FHAD1: variants seen among roughly 807,000 people sequenced by gnomAD.
The protein encoded by FHAD1 is forkhead associated phosphopeptide binding domain 1, also known as forkhead-associated domain-containing protein 1.
A neutral mutation model predicts 191.3 loss-of-function variants in FHAD1; 146 were observed. The observed-to-expected ratio is 0.76, with a 90% CI of 0.67 to 0.88. The LOEUF is 0.88. Among genes scored for constraint, FHAD1 ranks in the 40% least tolerant of loss-of-function variants. The probability of loss-of-function intolerance (pLI) is 0.00; values close to 1 mark genes in which losing one functional copy is unlikely to be tolerated. For missense variants in FHAD1, 1,635 were observed against 1,785.8 expected (o/e 0.92, Z 1.52); for synonymous variants, 616 against 672.3 (o/e 0.92, Z 1.29).
Position 15,346,895 on chromosome 1 carries a change from G to A in FHAD1, c.2346+1372G>A, listed in dbSNP as rs189559046. ...GTGTATAATGGAGGGCCTGGCCTGC[G>A]GAATGATTGCCGAGTAAACGGCAGC... On this transcript the variant is annotated intron_variant, in intron 18 of 33. Coordinates refer to ENST00000688493, the MANE Select transcript of FHAD1 (RefSeq NM_001391957.1). 4.1e-4 allele frequency among the ~76,000 whole-genome samples: 63 copies of A among 152,312 alleles called. No homozygotes were observed. The East Asian group carries it at 8.5e-3, about 21-fold the overall frequency.
intron 5 of FHAD1, among the ~76,000 whole-genome samples, chr1:15,300,537 G>A (rs949927559): frequency 1.1e-4 from 16 of 152,182 alleles, no homozygotes; most frequent in South Asian, 6.2e-4. Context: ...CCTTTCCTTC[G>A]TCCCCAGATG....
intron 31 of FHAD1, among the ~76,000 whole-genome samples, chr1:15,386,172 C>G: frequency 6.6e-6 from 1 of 152,208 alleles, no homozygotes; most frequent in Non-Finnish European, 1.5e-5. Context: ...GGACCTGCTT[C>G]GTGGGGTGGT....
chr1:15,308,141 AAGG>A (rs1671104168), intron 6 of FHAD1, among the ~76,000 whole-genome samples: 1 of 152,190 alleles, frequency 6.6e-6, no homozygotes, highest in African/African-American at 2.4e-5. Context: ...GGCTCTGTTG[AAGG>A]AGTAGTGTCT....
At chr1:15,245,414 G>T (rs565464119), upstream of FHAD1, among the ~76,000 whole-genome samples, 470 of 152,060 alleles carry the variant, frequency 3.1e-3, 1 homozygote, top group African/African-American at 0.011. Context: ...AGATTTCATG[G>T]TGGTTGTTTC....
chr1:15,260,889 T>C (rs1019851920), intron 2 of FHAD1, among the ~76,000 whole-genome samples: 3 of 152,220 alleles, frequency 2.0e-5, no homozygotes, highest in East Asian at 1.9e-4. Context: ...CCCTTTGCCA[T>C]GTAAGGCAGC....
At chr1:15,348,997 C>A in intron 18 of FHAD1, 45 bp from the exon 19 acceptor site, 1 of 1,179,118 alleles carries the variant, frequency 8.5e-7, no homozygotes, top group Non-Finnish European at 1.2e-6. Context: ...GCAATTTCCC[C>A]CCTAAATGTG....
At chr1:15,308,010 G>A (rs776638791) in intron 6 of FHAD1, among the ~76,000 whole-genome samples, 10 of 152,178 alleles carry the variant, frequency 6.6e-5, no homozygotes, top group African/African-American at 1.4e-4. Context: ...GATTACAGGC[G>A]TGAGCCACTG....
At chr1:15,320,498 T>C (rs1208972930) in intron 10 of FHAD1, among the ~76,000 whole-genome samples, 1 of 152,232 alleles carries the variant, frequency 6.6e-6, no homozygotes, top group Non-Finnish European at 1.5e-5. Flanking sequence ...TTTTTTAATA[T>C]TGTCAATCTT....
Position 15,312,452 on chromosome 1 carries a change from G to A in FHAD1, c.1040-605G>A, listed in dbSNP as rs1159582938. Among the ~76,000 whole-genome samples, 1 of 152,108 alleles carries A rather than the reference G, an allele frequency of 6.6e-6. No homozygotes were observed. The highest frequency in any genetic ancestry group is 2.4e-5 in the African/African-American group (1 of 41,404). ...GAGGCTGGTGGATTGCTTCAGCCTG[G>A]GAGTTTGAGACCCGCCTGGGCAACA... is the stretch of plus-strand genomic sequence containing the variant. On this transcript the variant is annotated intron_variant, in intron 7 of 33. Coordinates refer to ENST00000688493, the MANE Select transcript of FHAD1 (RefSeq NM_001391957.1). This position sits in a 1 kb window ranked among gnomAD's most constrained non-coding sequence, Gnocchi z 4.7.
chr1:15,268,490 T>C (rs2101127844), intron 2 of FHAD1, among the ~76,000 whole-genome samples: 1 of 124,092 alleles, frequency 8.1e-6, no homozygotes, highest in Non-Finnish European at 1.8e-5. Flanking sequence ...GCGCGATTTA[T>C]AGTCCTTTGG....
At position 15,331,431 on chromosome 1, in the gene FHAD1, G is replaced by T. The variant is rs970273502; in HGVS notation, c.1906+1890G>T. Among the ~76,000 whole-genome samples the T allele has an allele frequency of 2.1e-4, 32 of 149,226 alleles. 1 individual carries two copies. The highest frequency in any genetic ancestry group is 5.9e-5 in the Non-Finnish European group (4 of 67,270). Reference sequence around the variant, plus strand: ...TGGTGGGTGGGTGGATGGATGGATGGACGGACGGGTGGAAGAAAGAATGGA... The same window carrying T: ...TGGTGGGTGGGTGGATGGATGGATGTACGGACGGGTGGAAGAAAGAATGGA... On this transcript the variant is annotated intron_variant, in intron 14 of 33. Coordinates refer to ENST00000688493, the MANE Select transcript of FHAD1 (RefSeq NM_001391957.1).
chr1:15,361,020 T>C (rs1048526444), intron 22 of FHAD1, among the ~76,000 whole-genome samples: 2 of 152,102 alleles, frequency 1.3e-5, no homozygotes, highest in African/African-American at 4.8e-5. Context: ...CATGAAAACA[T>C]CTCATGCAGG....
rs116434285 is a variant in FHAD1 at position 15,324,286 on chromosome 1, C to A, written c.1366-166C>A. Among the ~76,000 whole-genome samples the A allele has an allele frequency of 9.0e-3, 1,364 of 152,136 alleles. 22 individuals are homozygous for A. The highest frequency in any genetic ancestry group is 0.03 in the African/African-American group (1,265 of 41,500). On this transcript the variant is annotated intron_variant, in intron 10 of 33. Transcript: ENST00000688493. ...CCTTTCCCCCAACGGACAGTGCCCC[C>A]CTAGCCTGGCTCCACCCCGCGCACG...
At chr1:15,374,408 G>A in intron 26 of FHAD1, 94 bp from the exon 27 acceptor site, 2 of 1,455,414 alleles carry the variant, frequency 1.4e-6, no homozygotes, top group African/African-American at 2.8e-5. Context: ...TAAGTGACTG[G>A]GTTCCTCTAT....
chr1:15,357,435 C>T (rs1693188916), intron 20 of FHAD1, among the ~76,000 whole-genome samples: 1 of 151,916 alleles, frequency 6.6e-6, no homozygotes, highest in Admixed American at 6.6e-5. Context: ...CCAGCCTGGC[C>T]AACATGGTGA....
chr1:15,337,349 C>T (rs1017258043), intron 14 of FHAD1, among the ~76,000 whole-genome samples: 3 of 152,224 alleles, frequency 2.0e-5, no homozygotes, highest in South Asian at 2.1e-4. Context: ...CGTCTGATGA[C>T]GAGGCCACCA....
chr1:15,393,915 G>A (rs939517268), intron 33 of FHAD1, among the ~76,000 whole-genome samples: 1 of 152,076 alleles, frequency 6.6e-6, no homozygotes, highest in African/African-American at 2.4e-5. Context: ...AGGCCTTCCT[G>A]AGGACCGTAT....
intron 9 of FHAD1, 50 bp from the exon 10 acceptor site, chr1:15,317,774 G>A: frequency 7.5e-7 from 1 of 1,336,692 alleles, no homozygotes; most frequent in Non-Finnish European, 1.0e-6. Flanking sequence ...AGCCAAGAAG[G>A]CAGCTCCTGC....
chr1:15,298,996 C>T (rs1025189436), intron 5 of FHAD1, among the ~76,000 whole-genome samples: 1 of 148,924 alleles, frequency 6.7e-6, no homozygotes, highest in Non-Finnish European at 1.5e-5. Context: ...TAGTAAGACT[C>T]GATTTCTGCA....
Sources: gnomAD v4.1 joint callset for allele counts (sites outside exome capture counted in the v4.1 genomes callset) on GRCh38, gnomAD v4.1.1 for gene constraint, Gnocchi (gnomAD v3.1) non-coding constraint, MANE v1.5 for transcripts, NCBI Gene and HGNC (gene_info 2026-07-23, HGNC 2026-07-21) for gene names.